GALNT13: variants seen among roughly 807,000 people sequenced by gnomAD.
GALNT13 encodes the protein polypeptide N-acetylgalactosaminyltransferase 13.
In GALNT13, 28 loss-of-function variants were observed where a neutral mutation model predicts 64.2. The ratio of observed to expected loss-of-function variants is 0.44; its 90% CI spans 0.32 to 0.60. The LOEUF is 0.60. Ranked by LOEUF, GALNT13 falls within the 20% of genes least tolerant of loss-of-function variation. GALNT13 has a pLI of 0.05. For synonymous variants in GALNT13, 214 were observed against 224.6 expected (o/e 0.95, Z 0.42); for missense variants, 577 against 669.8 (o/e 0.86, Z 1.53).
the GALNT13 span, among the ~76,000 whole-genome samples, chr2:153,279,770 G>C: frequency 6.6e-6 from 1 of 151,882 alleles, no homozygotes; most frequent in African/African-American, 2.4e-5. Context: ...CTAGCATTCT[G>C]TTGAGAATTT....
At chr2:154,223,452 T>C (rs531132226) in intron 4 of GALNT13, among the ~76,000 whole-genome samples, 778 of 68,632 alleles carry the variant, frequency 0.011, 4 homozygotes, top group Middle Eastern at 0.043. Flanking sequence ...CTTTTTCTTT[T>C]TTTTTTTTTT....
At chr2:153,471,867 A>G in the GALNT13 span, among the ~76,000 whole-genome samples, 9 of 152,220 alleles carry the variant, frequency 5.9e-5, no homozygotes, top group Non-Finnish European at 1.0e-4. Flanking sequence ...AACATTTCCT[A>G]TGCATTGTTT....
intron 1 of GALNT13, among the ~76,000 whole-genome samples, chr2:153,885,208 A>G (rs1687090191): frequency 6.6e-6 from 1 of 152,038 alleles, no homozygotes; most frequent in Admixed American, 6.6e-5. Context: ...ATAAAGCCTA[A>G]GACTGATACA....
At chr2:154,328,859 A>T (rs939771903) in intron 9 of GALNT13, among the ~76,000 whole-genome samples, 1 of 152,102 alleles carries the variant, frequency 6.6e-6, no homozygotes, top group Non-Finnish European at 1.5e-5. Context: ...GTTTGTATCA[A>T]TTCTGTCTGT....
intron 3 of GALNT13, among the ~76,000 whole-genome samples, chr2:154,043,862 A>G (rs1699142698): frequency 6.6e-6 from 1 of 152,000 alleles, no homozygotes; most frequent in Admixed American, 6.6e-5. Context: ...CAGCACATTA[A>G]GAGGCCCAGG....
chr2:154,015,148 A>G (rs1696921244), intron 3 of GALNT13, among the ~76,000 whole-genome samples: 1 of 152,146 alleles, frequency 6.6e-6, no homozygotes, highest in Non-Finnish European at 1.5e-5. Context: ...AAAATAAAAG[A>G]TATGGTACTT....
At chr2:153,277,908 C>CTTTTCTTTTTTTTTTTT in the GALNT13 span, among the ~76,000 whole-genome samples, 5 of 69,586 alleles carry the variant, frequency 7.2e-5, no homozygotes, top group Non-Finnish European at 1.6e-4. Flanking sequence ...TTTCTTTTTT[C>CTTTTCTTTTTTTTTTTT]TTTTGTTTTC....
the GALNT13 span, among the ~76,000 whole-genome samples, chr2:153,148,482 T>C: frequency 2.0e-5 from 3 of 147,710 alleles, no homozygotes; most frequent in Non-Finnish European, 4.4e-5. Context: ...TTTTTTCTTT[T>C]TTTTTTTTTT....
chr2:153,663,954 G>A, the GALNT13 span, among the ~76,000 whole-genome samples: 1 of 152,136 alleles, frequency 6.6e-6, no homozygotes, highest in Non-Finnish European at 1.5e-5. Flanking sequence ...GATTTCAAAA[G>A]GGGAGGGGGT....
the GALNT13 span, among the ~76,000 whole-genome samples, chr2:153,597,098 C>A: frequency 4.6e-5 from 7 of 152,132 alleles, no homozygotes; most frequent in South Asian, 1.5e-3. Flanking sequence ...AGTTTTTTTA[C>A]AAAAGGTTTC....
At chr2:153,836,209 G>A in the GALNT13 span, among the ~76,000 whole-genome samples, 1 of 151,970 alleles carries the variant, frequency 6.6e-6, no homozygotes, top group Admixed American at 6.6e-5. Flanking sequence ...AGGAGAAAAT[G>A]TTTTTATTGT....
At chr2:153,499,936 A>G in the GALNT13 span, among the ~76,000 whole-genome samples, 9 of 151,386 alleles carry the variant, frequency 5.9e-5, no homozygotes, top group Non-Finnish European at 1.3e-4. Context: ...GGCTCCCACA[A>G]CTCCCAACTT....
chr2:154,159,292 G>A lies in GALNT13; in HGVS notation c.311+18787G>A, dbSNP rs1271070193. ...TGGGATTACAGGCACATGCCACCAT[G>A]CCAGGCTAATTTTTGTATTTTTAGT... is the stretch of plus-strand genomic sequence containing the variant. On this transcript the variant is annotated intron_variant, in intron 4 of 12. Transcript: ENST00000392825. Among the ~76,000 whole-genome samples, 5 of 151,976 alleles carry A rather than the reference G, an allele frequency of 3.3e-5. No individual in the cohort carries two copies. The East Asian group carries it at 9.7e-4, about 30-fold the overall frequency.
chr2:153,147,914 A>C, the GALNT13 span, among the ~76,000 whole-genome samples: 1 of 151,836 alleles, frequency 6.6e-6, no homozygotes, highest in Non-Finnish European at 1.5e-5. Flanking sequence ...TGCTGTAAGT[A>C]CTGGAGGACC....
chr2:153,882,796 C>T (rs908424652), intron 1 of GALNT13, among the ~76,000 whole-genome samples: 2 of 151,638 alleles, frequency 1.3e-5, no homozygotes, highest in East Asian at 1.9e-4. Context: ...ACCCAGCTAA[C>T]TTTTATAATT....
chr2:154,196,410 G>A (rs1368587830), intron 4 of GALNT13, among the ~76,000 whole-genome samples: 12 of 152,060 alleles, frequency 7.9e-5, no homozygotes. Flanking sequence ...TGCTTGAATT[G>A]TAAGTGTTCA....
the GALNT13 span, among the ~76,000 whole-genome samples, chr2:153,848,767 A>G: frequency 6.6e-6 from 1 of 151,962 alleles, no homozygotes; most frequent in Non-Finnish European, 1.5e-5. Flanking sequence ...AAAATAGGCA[A>G]TATGAAGCAT....
chr2:154,381,265 A>T (rs1698256429), intron 9 of GALNT13, among the ~76,000 whole-genome samples: 1 of 152,006 alleles, frequency 6.6e-6, no homozygotes. Context: ...ATTCCCAAAC[A>T]ATTAAACCAG....
the GALNT13 span, among the ~76,000 whole-genome samples, chr2:153,498,647 C>G: frequency 6.6e-6 from 1 of 152,188 alleles, no homozygotes; most frequent in African/African-American, 2.4e-5. Context: ...TGTCCAGAAG[C>G]TTGGAGATGA....
Sources: allele counts gnomAD v4.1 joint callset (sites outside exome capture counted in the v4.1 genomes callset), GRCh38; gene constraint gnomAD v4.1.1; transcripts MANE v1.5; gene names NCBI Gene and HGNC (gene_info 2026-07-23, HGNC 2026-07-21).